The following DLC1 variants were observed in gnomAD, a reference collection of about 807,000 sequenced individuals.
The protein encoded by DLC1 is rho GTPase-activating protein 7.
DLC1 carries 54 observed loss-of-function variants against 140.3 expected under a neutral mutation model. The ratio of observed to expected loss-of-function variants is 0.38; its 90% CI spans 0.31 to 0.48. DLC1 has a LOEUF of 0.48. Among genes scored for constraint, DLC1 ranks in the 20% least tolerant of loss-of-function variants. The pLI is 0.96. For synonymous variants in DLC1, 986 were observed against 728.1 expected, an observed-to-expected ratio of 1.35 and a Z score of -5.70; for missense variants, 2,536 against 1,907.0, an observed-to-expected ratio of 1.33 and a Z score of -6.14.
intron 1 of DLC1, among the ~76,000 whole-genome samples, chr8:13,587,711 A>G (rs957291738): frequency 7.3e-5 from 11 of 151,098 alleles, no homozygotes; most frequent in African/African-American, 2.2e-4. Context: ...TTTACCTGGG[A>G]AGTAAAAATG....
At chr8:13,452,678 C>T (rs191938650) in intron 2 of DLC1, among the ~76,000 whole-genome samples, 1 of 152,100 alleles carries the variant, frequency 6.6e-6, no homozygotes, top group Non-Finnish European at 1.5e-5. Flanking sequence ...TCACATATAG[C>T]AAAAATATTA....
At chr8:13,179,578 G>A (rs187383341) in intron 5 of DLC1, among the ~76,000 whole-genome samples, 20 of 151,994 alleles carry the variant, frequency 1.3e-4, no homozygotes, top group Admixed American at 2.0e-4. Context: ...GAAATTAGCT[G>A]GGCATGGTAG....
chr8:13,251,545 A>G (rs1269484017), intron 5 of DLC1, among the ~76,000 whole-genome samples: 6 of 152,158 alleles, frequency 3.9e-5, no homozygotes, highest in Admixed American at 3.3e-4. Context: ...TACATGACAA[A>G]CTGCATTGAG....
intron 4 of DLC1, among the ~76,000 whole-genome samples, chr8:13,346,036 C>T (rs1445898353): frequency 6.6e-6 from 1 of 152,110 alleles, no homozygotes; most frequent in African/African-American, 2.4e-5. Flanking sequence ...TTGCACTGTG[C>T]ATTTGTCGTT....
At chr8:13,418,723 T>G (rs1476148784) in intron 2 of DLC1, among the ~76,000 whole-genome samples, 1 of 152,296 alleles carries the variant, frequency 6.6e-6, no homozygotes, top group East Asian at 1.9e-4. Context: ...ATATGAACTT[T>G]AATGTAGTTT....
intron 5 of DLC1, among the ~76,000 whole-genome samples, chr8:13,283,164 T>C (rs1831423295): frequency 6.6e-6 from 1 of 152,198 alleles, no homozygotes; most frequent in African/African-American, 2.4e-5. Flanking sequence ...ATTATACTTT[T>C]TTGACCATAG....
chr8:13,426,763 C>T (rs1838602503), intron 2 of DLC1, among the ~76,000 whole-genome samples: 1 of 151,170 alleles, frequency 6.6e-6, no homozygotes, highest in Admixed American at 6.6e-5. Flanking sequence ...GTTTATAGTC[C>T]CATTGCCTCG....
rs1371531356 is a variant in DLC1, at chr8:13,099,707, C to G, written c.2630G>C (p.Ser877Thr). The G allele has an allele frequency of 1.2e-6, 2 of 1,614,156 alleles. No individual in the cohort carries two copies. The highest frequency in any genetic ancestry group is 1.7e-6 in the Non-Finnish European group (2 of 1,180,018). The stretch of plus-strand genomic sequence containing the variant: ...GGAGCCCGGCACGTTGTCGTAGATG[C>G]TCAGGCGGCTGCTCATGGAGCTGGA... Reference protein sequence around the residue: ...NSSSSMSSRLSIYDNVPGSIL... With the variant: ...NSSSSMSSRLTIYDNVPGSIL... The change falls in exon 9 of 18, where the codon AGC becomes ACC. Residue 877 changes from serine (S) to threonine (T), a missense_variant. By Grantham distance (58) the Ser-to-Thr change is moderately conservative (BLOSUM62 1). Coordinates refer to ENST00000276297, the MANE Select transcript of DLC1 (RefSeq NM_182643.3).
At chr8:13,431,561 T>C (rs557953153) in intron 2 of DLC1, among the ~76,000 whole-genome samples, 1 of 147,468 alleles carries the variant, frequency 6.8e-6, no homozygotes, top group East Asian at 2.1e-4. Context: ...CTCTTGTCTC[T>C]ACCTGTCTTT....
intron 5 of DLC1, among the ~76,000 whole-genome samples, chr8:13,129,726 C>T (rs777947174): frequency 6.6e-6 from 1 of 152,160 alleles, no homozygotes; most frequent in Non-Finnish European, 1.5e-5. Context: ...GGTCTGGATG[C>T]GAGTCACACC....
At chr8:13,572,607 A>G (rs931962886) in intron 1 of DLC1, among the ~76,000 whole-genome samples, 3 of 152,198 alleles carry the variant, frequency 2.0e-5, no homozygotes, top group African/African-American at 7.2e-5. Flanking sequence ...TAAGAGTTTT[A>G]TAGTCACACA....
At chr8:13,601,735 A>G (rs1302380144) in intron 1 of DLC1, among the ~76,000 whole-genome samples, 1 of 151,730 alleles carries the variant, frequency 6.6e-6, no homozygotes, top group African/African-American at 2.4e-5. Flanking sequence ...CCTTTTCTAA[A>G]AAACCTGAGA....
At chr8:13,150,452 A>G (rs1304191354) in intron 5 of DLC1, among the ~76,000 whole-genome samples, 1 of 152,022 alleles carries the variant, frequency 6.6e-6, no homozygotes, top group Non-Finnish European at 1.5e-5. Flanking sequence ...TATTGCCCTT[A>G]ACAAGGAGCT....
intron 1 of DLC1, among the ~76,000 whole-genome samples, chr8:13,520,958 A>G (rs1345958900): frequency 6.6e-6 from 1 of 152,184 alleles, no homozygotes; most frequent in Non-Finnish European, 1.5e-5. Context: ...GGGTCCATAT[A>G]TCTTTAGTAT....
At chr8:13,375,023 T>A (rs1380466927) in intron 4 of DLC1, among the ~76,000 whole-genome samples, 1 of 123,210 alleles carries the variant, frequency 8.1e-6, no homozygotes, top group Admixed American at 9.7e-5. Context: ...TAAGAATGCT[T>A]GTGATTTTTT....
chr8:13,141,673 A>G (rs1823002057), intron 5 of DLC1, among the ~76,000 whole-genome samples: 1 of 152,166 alleles, frequency 6.6e-6, no homozygotes, highest in Non-Finnish European at 1.5e-5. Context: ...CTACAGCATG[A>G]TGGCCATTCT....
At chr8:13,552,718 G>A (rs1464566358) in intron 1 of DLC1, among the ~76,000 whole-genome samples, 2 of 151,498 alleles carry the variant, frequency 1.3e-5, no homozygotes, top group African/African-American at 4.8e-5. Flanking sequence ...TTTTTAAAGG[G>A]TTTTGTCATA....
intron 5 of DLC1, among the ~76,000 whole-genome samples, chr8:13,156,414 C>T (rs1300862767): frequency 6.6e-6 from 1 of 152,154 alleles, no homozygotes; most frequent in Non-Finnish European, 1.5e-5. Context: ...GTACCAGATG[C>T]TTTTTATATA....
intron 4 of DLC1, chr8:13,342,512 A>G (rs767763): frequency 0.34 from 51,797 of 152,094 alleles, 9,103 homozygotes; most frequent in African/African-American, 0.38. Flanking sequence ...AGGCTTTGTA[A>G]TGCAGGTGAA....
Sources: allele counts gnomAD v4.1 joint callset (sites outside exome capture counted in the v4.1 genomes callset), GRCh38; gene constraint gnomAD v4.1.1; transcripts MANE v1.5; gene names NCBI Gene and HGNC (gene_info 2026-07-23, HGNC 2026-07-21).